ZDHHC20: variants seen among roughly 807,000 people sequenced by gnomAD.
The protein encoded by ZDHHC20 is zDHHC palmitoyltransferase 20.
In ZDHHC20, 43 loss-of-function variants were observed where a neutral mutation model predicts 57.8. The ratio of observed to expected loss-of-function variants is 0.74; its 90% CI spans 0.58 to 0.96. ZDHHC20 has a LOEUF of 0.96. Ranked by LOEUF, ZDHHC20 falls within the 40% of genes least tolerant of loss-of-function variation. ZDHHC20 has a pLI of 0.00. For synonymous variants in ZDHHC20, 157 were observed against 153.0 expected (o/e 1.03, Z -0.19); for missense variants, 391 against 441.1 (o/e 0.89, Z 1.02).
intron 2 of ZDHHC20, among the ~76,000 whole-genome samples, chr13:21,422,681 G>A (rs1269962622): frequency 6.6e-6 from 1 of 151,948 alleles, no homozygotes; most frequent in East Asian, 1.9e-4. Flanking sequence ...TATTTTCACT[G>A]CCAGTGCATA....
chr13:21,386,249 T>C (rs188187709), intron 9 of ZDHHC20, among the ~76,000 whole-genome samples: 44 of 152,286 alleles, frequency 2.9e-4, no homozygotes, highest in Non-Finnish European at 5.7e-4. Flanking sequence ...GAGTGACTGA[T>C]AACATGTGTA....
At chr13:21,404,886 A>G (rs1303605800) in intron 4 of ZDHHC20, among the ~76,000 whole-genome samples, 1 of 152,376 alleles carries the variant, frequency 6.6e-6, no homozygotes, top group Middle Eastern at 3.4e-3. Context: ...CAATTAATAT[A>G]TATAACAGGG....
At chr13:21,448,334 C>G (rs1593283341) in intron 1 of ZDHHC20, among the ~76,000 whole-genome samples, 1 of 109,862 alleles carries the variant, frequency 9.1e-6, no homozygotes, top group African/African-American at 3.1e-5. Context: ...GGTCAGCCCC[C>G]CGCCCGGCCA....
chr13:21,424,653 G>T (rs996047477), intron 2 of ZDHHC20, among the ~76,000 whole-genome samples: 1 of 151,344 alleles, frequency 6.6e-6, no homozygotes, highest in South Asian at 2.1e-4. Context: ...GGAGCTTGCA[G>T]TGAGCCTAGA....
intron 7 of ZDHHC20, among the ~76,000 whole-genome samples, chr13:21,396,598 C>T (rs1050786435): frequency 4.6e-5 from 7 of 152,098 alleles, no homozygotes; most frequent in South Asian, 2.1e-4. Context: ...TTCAGGAGGC[C>T]GAGGTGGGTG....
intron 3 of ZDHHC20, 125 bp downstream of exon 3, chr13:21,420,936 C>A: frequency 1.4e-6 from 1 of 708,988 alleles, no homozygotes; most frequent in East Asian, 2.8e-5. Flanking sequence ...TACAGAGCAA[C>A]CAAGCAGTTT....
intron 10 of ZDHHC20, 73 bp from the exon 11 acceptor site, chr13:21,381,622 G>A (rs766584519): frequency 8.9e-6 from 9 of 1,006,632 alleles, no homozygotes; most frequent in South Asian, 2.8e-5. Flanking sequence ...TTAATAAGCA[G>A]CAAATTAGTA....
intron 1 of ZDHHC20, among the ~76,000 whole-genome samples, chr13:21,446,913 T>C (rs943944863): frequency 4.6e-5 from 7 of 152,036 alleles, no homozygotes; most frequent in African/African-American, 1.7e-4. Context: ...GTCAGAGAAG[T>C]AATGAAGTAA....
At chr13:21,393,374 G>A (rs1199632010) in intron 7 of ZDHHC20, among the ~76,000 whole-genome samples, 1 of 151,280 alleles carries the variant, frequency 6.6e-6, no homozygotes, top group Non-Finnish European at 1.5e-5. Context: ...GGTGGTACAC[G>A]CCTGTAATCC....
intron 8 of ZDHHC20, among the ~76,000 whole-genome samples, chr13:21,389,237 T>G (rs1165286899): frequency 6.6e-6 from 1 of 152,060 alleles, no homozygotes; most frequent in East Asian, 1.9e-4. Context: ...TAAGACACCC[T>G]CAAAAGACCC....
At chr13:21,391,031 C>A (rs1265929862) in intron 8 of ZDHHC20, among the ~76,000 whole-genome samples, 1 of 151,558 alleles carries the variant, frequency 6.6e-6, no homozygotes, top group Non-Finnish European at 1.5e-5. Context: ...AATCTACTGT[C>A]TATCCCTTAT....
chr13:21,380,319 T>G (rs1197110671), intron 11 of ZDHHC20, among the ~76,000 whole-genome samples: 1 of 151,098 alleles, frequency 6.6e-6, no homozygotes, highest in Non-Finnish European at 1.5e-5. Context: ...TTTCACCACG[T>G]TCGCCAAGCT....
Position 21,400,465 on chromosome 13 carries a change from A to G in ZDHHC20, c.502T>C (p.Tyr168His). The G allele has an allele frequency of 1.3e-6, 2 of 1,574,370 alleles. No homozygotes were observed. Among genetic ancestry groups the G allele is most frequent in the Non-Finnish European group, 8.6e-7 (1 of 1,160,614 alleles). Residue 168 changes from tyrosine to histidine, a missense_variant, in exon 7 of 13, where the codon TAC becomes CAC. Tyr to His is a moderately conservative substitution (Grantham distance 83). Coordinates refer to ENST00000400590, the MANE Select transcript of ZDHHC20 (RefSeq NM_001330059.2). ...AATAAAAACAGCAGGAAGAATTTGTAATTAGAAAATCCCACACAGTTATTC... is the reference window on the plus strand; with the variant it reads ...AATAAAAACAGCAGGAAGAATTTGTGATTAGAAAATCCCACACAGTTATTC... ...WVNNCVGFSN[Y>H]KFFLLFLLYS...
At chr13:21,454,550 G>A (rs1048968138) in intron 1 of ZDHHC20, among the ~76,000 whole-genome samples, 4 of 152,138 alleles carry the variant, frequency 2.6e-5, no homozygotes, top group Non-Finnish European at 5.9e-5. Flanking sequence ...TCAAATCAAT[G>A]ACCTTGGTTT....
chr13:21,423,529 CT>C lies in ZDHHC20; in HGVS notation c.145+2122del, dbSNP rs1172333095. Reference sequence around the variant, plus strand: ...CATCTCTACCAATACAAAAAATTAGCTGGGCGTAGTGGTGCACACTTGTAAT... The same window carrying C: ...CATCTCTACCAATACAAAAAATTAGCGGGCGTAGTGGTGCACACTTGTAAT... On this transcript the variant is annotated intron_variant, in intron 2 of 12. Coordinates refer to ENST00000400590, the MANE Select transcript of ZDHHC20 (RefSeq NM_001330059.2). Among the ~76,000 whole-genome samples the C allele has an allele frequency of 2.0e-5, 3 of 152,088 alleles. No individual in the cohort carries two copies. In the South Asian group the frequency reaches 6.2e-4, roughly 32 times the overall value.
Position 21,402,851 on chromosome 13 carries a change from T to A in ZDHHC20, c.386A>T (p.Glu129Val). The A allele has an allele frequency of 6.3e-7, 1 of 1,594,316 alleles. No individual in the cohort carries two copies. The highest frequency in any genetic ancestry group is 8.5e-7 in the Non-Finnish European group (1 of 1,169,744). The stretch of plus-strand genomic sequence containing the variant: ...ATCAGGTTTAATCAGCTGACATTTT[T>A]CACAATATCTGATAGCTACATGAAA... ...TSASKTIRYC[E>V]KCQLIKPDRA... The change falls in exon 5 of 13, where the codon GAA (glutamate) becomes GTA (valine). Residue 129 changes from glutamate (E) to valine (V), a missense_variant. Around this residue, in one of 3 missense-constraint regions of ZDHHC20, gnomAD observed 185 missense variants for 188.0 expected, o/e 0.98. Coordinates refer to ENST00000400590, the MANE Select transcript of ZDHHC20 (RefSeq NM_001330059.2).
chr13:21,379,204 C>T (rs527566859), intron 11 of ZDHHC20, among the ~76,000 whole-genome samples: 8 of 152,094 alleles, frequency 5.3e-5, no homozygotes, highest in South Asian at 2.1e-4. Context: ...CTCAGAAATT[C>T]GAACAGTAGG....
intron 1 of ZDHHC20, among the ~76,000 whole-genome samples, chr13:21,444,132 G>C (rs981070071): frequency 6.6e-6 from 1 of 152,134 alleles, no homozygotes; most frequent in African/African-American, 2.4e-5. Context: ...CTCTACCCTG[G>C]GCAACAGAGC....
At position 21,374,611 on chromosome 13, in the gene ZDHHC20, A is replaced by G. The variant is rs1871753061; in HGVS notation, c.*2085T>C. The G allele has an allele frequency of 3.6e-6, 1 of 275,402 alleles. No individual in the cohort carries two copies. The highest frequency in any genetic ancestry group is 2.2e-5 in the African/African-American group (1 of 45,648). The allele number at this position is 275,402 out of a possible 1,614,324, so 17.1% of individuals were successfully genotyped here. ...AAGGAGTTGAAACAAAGGTAGAAGA[A>G]TCCATACTATAATATCCCAAATTAT... On this transcript the variant is annotated 3_prime_UTR_variant, in exon 13 of 13. Coordinates refer to ENST00000400590, the MANE Select transcript of ZDHHC20 (RefSeq NM_001330059.2).
Sources: allele counts gnomAD v4.1 joint callset (sites outside exome capture counted in the v4.1 genomes callset), GRCh38; gene constraint gnomAD v4.1.1; regional missense constraint gnomAD v4.1.1; transcripts MANE v1.5; gene names NCBI Gene and HGNC (gene_info 2026-07-23, HGNC 2026-07-21).